The following CCDC60 variants were observed in gnomAD, a reference collection of about 807,000 sequenced individuals.
The protein encoded by CCDC60 is coiled-coil domain-containing protein 60.
Under a neutral mutation model 63.5 loss-of-function variants are expected in CCDC60, and 54 were observed. That is an observed-to-expected ratio of 0.85 (90% CI 0.68 to 1.07). The LOEUF is 1.07. Among genes scored for constraint, CCDC60 ranks in the 50% least tolerant of loss-of-function variants. The probability of loss-of-function intolerance (pLI) is 0.00; values close to 1 mark genes in which losing one functional copy is unlikely to be tolerated. For missense variants in CCDC60, 651 were observed against 684.3 expected, an observed-to-expected ratio of 0.95 and a Z score of 0.54; for synonymous variants, 206 against 238.8, an observed-to-expected ratio of 0.86 and a Z score of 1.27.
At chr12:119,372,678 C>T (rs1955909538) in intron 1 of CCDC60, among the ~76,000 whole-genome samples, 1 of 152,070 alleles carries the variant, frequency 6.6e-6, no homozygotes, top group Non-Finnish European at 1.5e-5. Context: ...GCTTGAGTCC[C>T]CCCGCCTTAT....
rs1206278799 is a variant in CCDC60 at position 119,420,344 on chromosome 12, C to T, written c.91-8339C>T. ...GGAACTGCCTATCAACACCATAAAA[C>T]CACCAAAATGGAGTATTATTCAGCT... On this transcript the variant is annotated intron_variant, in intron 1 of 13. Coordinates refer to ENST00000327554, the MANE Select transcript of CCDC60 (RefSeq NM_178499.5). The surrounding 1 kb of genome is among the most constrained non-coding windows in gnomAD (Gnocchi z 4.1). 6.6e-6 allele frequency among the ~76,000 whole-genome samples: 1 copy of T among 152,086 alleles called. No homozygotes were observed. The highest frequency in any genetic ancestry group is 1.5e-5 in the Non-Finnish European group (1 of 68,020).
At chr12:119,439,450 G>A (rs1485703945) in intron 2 of CCDC60, among the ~76,000 whole-genome samples, 2 of 152,156 alleles carry the variant, frequency 1.3e-5, no homozygotes. Flanking sequence ...AGTCAGAAAG[G>A]AAATTTCAGG....
At chr12:119,521,350 T>C (rs1205769761) in intron 9 of CCDC60, among the ~76,000 whole-genome samples, 2 of 152,180 alleles carry the variant, frequency 1.3e-5, no homozygotes, top group African/African-American at 4.8e-5. Flanking sequence ...CAAGAATTGC[T>C]GATCTAATGG....
At chr12:119,347,961 G>A (rs1022842005) in intron 1 of CCDC60, among the ~76,000 whole-genome samples, 2 of 152,146 alleles carry the variant, frequency 1.3e-5, no homozygotes, top group African/African-American at 2.4e-5. Flanking sequence ...CAGAGATGAC[G>A]ATTCTTATGC....
intron 11 of CCDC60, among the ~76,000 whole-genome samples, chr12:119,527,079 A>T (rs1220824490): frequency 2.0e-5 from 3 of 152,258 alleles, no homozygotes; most frequent in Non-Finnish European, 2.9e-5. Context: ...AATATTATGC[A>T]GCCATAAAAA....
intron 7 of CCDC60, among the ~76,000 whole-genome samples, chr12:119,512,278 T>C (rs1469345946): frequency 6.6e-6 from 1 of 152,226 alleles, no homozygotes; most frequent in Non-Finnish European, 1.5e-5. Flanking sequence ...GATATCCAAA[T>C]CTAACTCATA....
chr12:119,422,758 T>A (rs1956836462), intron 1 of CCDC60, among the ~76,000 whole-genome samples: 1 of 152,168 alleles, frequency 6.6e-6, no homozygotes, highest in Non-Finnish European at 1.5e-5. Flanking sequence ...CAGATGGTGA[T>A]GGGGTTTTGC....
In CCDC60 at chr12:119,472,170, T is replaced by C. The variant is rs375133552; in HGVS notation, c.341+6T>C. The C allele has an allele frequency of 1.2e-5, 19 of 1,613,204 alleles. No individual in the cohort carries two copies. Among genetic ancestry groups the C allele is most frequent in the Non-Finnish European group, 1.4e-5 (17 of 1,179,646 alleles). ...TATGGGGACACCTTATTGAGGTAAGTGGATGCAGTAGCTGTGGCACTGAAG... is the reference window on the plus strand; with the variant it reads ...TATGGGGACACCTTATTGAGGTAAGCGGATGCAGTAGCTGTGGCACTGAAG... On this transcript the variant is annotated splice_donor_region_variant and intron_variant, in intron 3 of 13. Coordinates refer to ENST00000327554, the MANE Select transcript of CCDC60 (RefSeq NM_178499.5).
At chr12:119,356,650 T>C (rs1955722103) in intron 1 of CCDC60, among the ~76,000 whole-genome samples, 1 of 152,216 alleles carries the variant, frequency 6.6e-6, no homozygotes, top group Non-Finnish European at 1.5e-5. Flanking sequence ...TGGCTCTTGG[T>C]CCATTTTTCA....
chr12:119,438,075 G>A (rs117141068), intron 2 of CCDC60, among the ~76,000 whole-genome samples: 4,127 of 152,176 alleles, frequency 0.027, 95 homozygotes, highest in Middle Eastern at 0.062. Context: ...AGTTAATTGC[G>A]GTTTTATCAT....
intron 1 of CCDC60, among the ~76,000 whole-genome samples, chr12:119,405,036 G>C (rs1205112798): frequency 6.6e-6 from 1 of 152,194 alleles, no homozygotes; most frequent in African/African-American, 2.4e-5. Flanking sequence ...ATCCATGCTT[G>C]CTCCTCTTTG....
chr12:119,494,367 G>T (rs1043226939), intron 5 of CCDC60, among the ~76,000 whole-genome samples: 1 of 152,140 alleles, frequency 6.6e-6, no homozygotes. Flanking sequence ...ACACCTCAAA[G>T]GAGTTGTTCC....
At chr12:119,349,912 G>T (rs933643649) in intron 1 of CCDC60, among the ~76,000 whole-genome samples, 1 of 152,154 alleles carries the variant, frequency 6.6e-6, no homozygotes, top group Non-Finnish European at 1.5e-5. Flanking sequence ...GCATAAAAAT[G>T]GTGTACCCAG....
At chr12:119,449,939 A>G (rs993597198) in intron 2 of CCDC60, among the ~76,000 whole-genome samples, 3 of 152,236 alleles carry the variant, frequency 2.0e-5, no homozygotes, top group Non-Finnish European at 4.4e-5. Context: ...TATACACCCA[A>G]AGAAAAATAA....
In CCDC60 at chr12:119,523,877, C is replaced by G. The variant is rs1952603760; in HGVS notation, c.1229+59C>G. On this transcript the variant is annotated intron_variant, in intron 11 of 13. Transcript: ENST00000327554. ...GCATTCACTGGGTACCTACTATATG[C>G]CTGCCAGGTGCCAGGTGCTGGGGCT... 2.6e-6 allele frequency: 4 copies of G among 1,558,418 alleles called. No individual in the cohort carries two copies. In the South Asian group the frequency reaches 4.6e-5, roughly 18 times the overall value.
intron 1 of CCDC60, among the ~76,000 whole-genome samples, chr12:119,355,375 CTG>C (rs529871321): frequency 6.8e-4 from 104 of 152,358 alleles, no homozygotes; most frequent in African/African-American, 2.1e-3. Flanking sequence ...CTCCCTAACT[CTG>C]TGCGGTTCCA....
rs564723010 is a variant in CCDC60 at position 119,420,371 on chromosome 12, CA to C, written c.91-8304del. On this transcript the variant is annotated intron_variant, in intron 1 of 13. Coordinates refer to ENST00000327554, the MANE Select transcript of CCDC60 (RefSeq NM_178499.5). The surrounding 1 kb of genome is among the most constrained non-coding windows in gnomAD (Gnocchi z 4.1). ...ACCAAAATGGAGTATTATTCAGCTA[CA>C]AAAAAAAGAGTGAGATCCAGTTATT... Among the ~76,000 whole-genome samples the C allele has an allele frequency of 3.4e-4, 52 of 151,590 alleles. 1 individual carries two copies. In the East Asian group the frequency reaches 3.7e-3, roughly 11 times the overall value.
chr12:119,408,229 A>G lies in CCDC60; in HGVS notation c.91-20454A>G, dbSNP rs192204379. ...TCCTGTATAGCTGTATTTCAGTTAC[A>G]TATTTCTATGTGACAAATTACTCTA... is the stretch of plus-strand genomic sequence containing the variant. On this transcript the variant is annotated intron_variant, in intron 1 of 13. Transcript: ENST00000327554. 8.1e-4 allele frequency among the ~76,000 whole-genome samples: 124 copies of G among 152,318 alleles called. 2 individuals carry two copies. The highest frequency in any genetic ancestry group is 2.9e-3 in the African/African-American group (122 of 41,572).
At chr12:119,382,294 A>T (rs575058702) in intron 1 of CCDC60, among the ~76,000 whole-genome samples, 1 of 152,274 alleles carries the variant, frequency 6.6e-6, no homozygotes, top group African/African-American at 2.4e-5. Flanking sequence ...TTTTTTTGAC[A>T]TTAATCCATT....
Sources: gnomAD v4.1 joint callset for allele counts (sites outside exome capture counted in the v4.1 genomes callset) on GRCh38, gnomAD v4.1.1 for gene constraint, Gnocchi (gnomAD v3.1) non-coding constraint, MANE v1.5 for transcripts, NCBI Gene and HGNC (gene_info 2026-07-23, HGNC 2026-07-21) for gene names.